The following NEK4 variants were observed in gnomAD, a reference collection of about 807,000 sequenced individuals.
NEK4 encodes the protein NIMA related kinase 4.
In NEK4, 86 loss-of-function variants were observed where a neutral mutation model predicts 98.4. The ratio of observed to expected loss-of-function variants is 0.87; its 90% confidence interval spans 0.73 to 1.05. The LOEUF is 1.05. Ranked by LOEUF, NEK4 falls within the 50% of genes least tolerant of loss-of-function variation. The pLI, the probability that NEK4 is intolerant of heterozygous loss-of-function variation, is 0.00. For synonymous variants in NEK4, 328 were observed against 342.2 expected (o/e 0.96, Z 0.46); for missense variants, 898 against 950.3 (o/e 0.94, Z 0.72).
intron 12 of NEK4, 122 bp downstream of exon 12, chr3:52,743,230 G>GAAAAGATATAACA: frequency 1.4e-6 from 1 of 710,784 alleles, no homozygotes; most frequent in South Asian, 1.7e-5. Context: ...TATCAAGAGT[G>GAAAAGATATAACA]AAAAGATATA....
chr3:52,726,131 T>C (rs1164010255), intron 15 of NEK4, among the ~76,000 whole-genome samples: 1 of 152,086 alleles, frequency 6.6e-6, no homozygotes, highest in African/African-American at 2.4e-5. Context: ...AAAGGAGACA[T>C]ATACAGCAAG....
At chr3:52,733,545 C>A in intron 15 of NEK4, 1 of 501,794 alleles carries the variant, frequency 2.0e-6, no homozygotes, top group Non-Finnish European at 4.0e-6. Flanking sequence ...ATGAATGTGG[C>A]AAGGTCTTTG....
chr3:52,734,677 A>G (rs2097373527), intron 15 of NEK4: 1 of 160,066 alleles, frequency 6.2e-6, no homozygotes. Flanking sequence ...AAAAAAAAAA[A>G]AAAAAAAAAA....
chr3:52,739,496 G>C lies in NEK4; in HGVS notation c.2232C>G (p.Asp744Glu). 6.2e-7 allele frequency: 1 copy of C among 1,614,110 alleles called. No individual in the cohort carries two copies. The highest frequency in any genetic ancestry group is 1.3e-5 in the African/African-American group (1 of 75,040). ...SEFKLHRKYR[D>E]TLILHGKVAE... ...CAACCTTCCCATGAAGTATCAGTGTGTCCCGATATTTCCGATGAAGTTTGA... is the reference window on the plus strand; with the variant it reads ...CAACCTTCCCATGAAGTATCAGTGTCTCCCGATATTTCCGATGAAGTTTGA... The change falls in exon 14 of 16, where the codon GAC becomes GAG. Residue 744 changes from aspartate (D) to glutamate (E), a missense_variant. Physicochemically the swap from Asp to Glu is conservative, Grantham distance 45. Transcript: ENST00000233027.
chr3:52,726,137 G>A (rs1343334715), intron 15 of NEK4, among the ~76,000 whole-genome samples: 3 of 152,086 alleles, frequency 2.0e-5, no homozygotes, highest in Admixed American at 2.0e-4. Flanking sequence ...GACATATACA[G>A]CAAGAAGATT....
intron 13 of NEK4, among the ~76,000 whole-genome samples, 175 bp downstream of exon 13, chr3:52,741,236 C>CAAAAAAAAAA (rs35123782): frequency 3.4e-5 from 2 of 59,602 alleles, no homozygotes; most frequent in African/African-American, 6.4e-5. Flanking sequence ...AACTCCGTCT[C>CAAAAAAAAAA]AAAAAAAAAA....
chr3:52,760,076 G>T (rs1469663087), intron 6 of NEK4, among the ~76,000 whole-genome samples: 1 of 152,212 alleles, frequency 6.6e-6, no homozygotes, highest in African/African-American at 2.4e-5. Context: ...GACAAAATGG[G>T]AGTGACTGCT....
At chr3:52,743,613 G>A (rs914651848) in intron 11 of NEK4, 152 bp from the exon 12 acceptor site, 1 of 625,620 alleles carries the variant, frequency 1.6e-6, no homozygotes, top group Non-Finnish European at 2.8e-6. Context: ...TGACACCTCA[G>A]TTGAAATCTT....
At chr3:52,748,438 G>A (rs905946374) in intron 8 of NEK4, among the ~76,000 whole-genome samples, 21 of 151,978 alleles carry the variant, frequency 1.4e-4, no homozygotes, top group Non-Finnish European at 2.5e-4. Context: ...CACTTAAATT[G>A]TGGTTAATCT....
intron 15 of NEK4, among the ~76,000 whole-genome samples, chr3:52,736,367 A>G (rs552295667): frequency 1.1e-4 from 16 of 152,282 alleles, no homozygotes; most frequent in African/African-American, 3.8e-4. Context: ...TGGGCAGATC[A>G]TGAGGTCAGG....
intron 8 of NEK4, among the ~76,000 whole-genome samples, chr3:52,748,218 C>T (rs917431609): frequency 4.0e-5 from 6 of 151,748 alleles, no homozygotes; most frequent in Non-Finnish European, 7.4e-5. Flanking sequence ...CCGCCCGCCT[C>T]GGCCTCCCAA....
chr3:52,744,246 G>C lies in NEK4; in HGVS notation c.1887C>G (p.Ser629=), dbSNP rs771054720. The C allele has an allele frequency of 7.4e-6, 12 of 1,612,198 alleles. No homozygotes were observed. The African/African-American group carries it at 1.6e-4, about 22-fold the overall frequency. Residue 629 remains serine (S), a synonymous_variant, in exon 11 of 16, where the codon TCC becomes TCG. Transcript: ENST00000233027. ...AAAAGAAGTCAACTTTACCTGAAGA[G>C]GACATTTCTTCCTGTGACTGCTTTA... is the stretch of plus-strand genomic sequence containing the variant. ...RRLKQSQEEM[S]SSGPSVRKAS...
In NEK4 at chr3:52,746,327, T is replaced by G; in HGVS notation, c.1678-117A>C. ...TTTGCTCTTAAAACCTTCAAAACATTGCATTTTTTTGGAAAGACTCTGCCA... is the reference window on the plus strand; with the variant it reads ...TTTGCTCTTAAAACCTTCAAAACATGGCATTTTTTTGGAAAGACTCTGCCA... On this transcript the variant is annotated intron_variant, in intron 9 of 15. Transcript: ENST00000233027. The G allele has an allele frequency of 5.2e-6, 5 of 952,450 alleles. No homozygotes were observed. The African/African-American group carries it at 6.6e-5, about 13-fold the overall frequency. The allele number at this position is 952,450 out of a possible 1,614,324, so 59.0% of individuals were successfully genotyped here.
chr3:52,746,268 C>A, intron 9 of NEK4, 58 bp from the exon 10 acceptor site: 1 of 1,504,388 alleles, frequency 6.6e-7, no homozygotes, highest in East Asian at 2.3e-5. Flanking sequence ...CCAATGTTCC[C>A]CTATCAGCAG....
chr3:52,722,379 G>A (rs2097360878), intron 15 of NEK4, among the ~76,000 whole-genome samples: 1 of 152,182 alleles, frequency 6.6e-6, no homozygotes, highest in Admixed American at 6.5e-5. Flanking sequence ...GCGAGGCCTG[G>A]GTGGGGCATG....
At chr3:52,742,472 G>C (rs1005784846) in intron 12 of NEK4, among the ~76,000 whole-genome samples, 1 of 152,102 alleles carries the variant, frequency 6.6e-6, no homozygotes, top group Non-Finnish European at 1.5e-5. Context: ...GCCTCTATTA[G>C]TGAAATAACT....
rs374183436 is a variant in NEK4, at chr3:52,766,713, G to A, written c.361-338C>T. 2.8e-4 allele frequency among the ~76,000 whole-genome samples: 43 copies of A among 152,302 alleles called. No homozygotes were observed. In the South Asian group the frequency reaches 8.1e-3, roughly 29 times the overall value. ...TTAAAAATATGTTTACAAGCCGGGC[G>A]CAGTGGCTCACGCCTGTAATCCCAG... On this transcript the variant is annotated intron_variant, in intron 2 of 15. Coordinates refer to ENST00000233027, the MANE Select transcript of NEK4 (RefSeq NM_003157.6).
At chr3:52,718,253 A>G (rs1578618187) in intron 15 of NEK4, among the ~76,000 whole-genome samples, 1 of 150,908 alleles carries the variant, frequency 6.6e-6, no homozygotes, top group Non-Finnish European at 1.5e-5. Flanking sequence ...CAGGTTGATC[A>G]CCTAAGGTCA....
At chr3:52,757,555 CAAAAAAA>C (rs541943769) in intron 6 of NEK4, among the ~76,000 whole-genome samples, 8,868 of 72,252 alleles carry the variant, frequency 0.12, 824 homozygotes, top group African/African-American at 0.32. Flanking sequence ...GACTCCGTCT[CAAAAAAA>C]AAAAAAAAAA....
Sources: gnomAD v4.1 joint callset for allele counts (sites outside exome capture counted in the v4.1 genomes callset) on GRCh38, gnomAD v4.1.1 for gene constraint, MANE v1.5 for transcripts, NCBI Gene and HGNC (gene_info 2026-07-23, HGNC 2026-07-21) for gene names.